Variants in RANBP2 observed in about 807,000 individuals in gnomAD.
RANBP2 encodes RAN binding protein 2.
In RANBP2, 57 loss-of-function variants were observed where a neutral mutation model predicts 303.6. The ratio of observed to expected loss-of-function variants is 0.19; its 90% confidence interval spans 0.15 to 0.23. The LOEUF is 0.23. Ranked by LOEUF, RANBP2 falls within the 10% of genes least tolerant of loss-of-function variation. The pLI is 1.00. For missense variants in RANBP2, 3,138 were observed against 3,780.8 expected, an observed-to-expected ratio of 0.83 and a Z score of 4.46; for synonymous variants, 1,167 against 1,301.5, an observed-to-expected ratio of 0.90 and a Z score of 2.23.
chr2:109,663,923 T>A, the RANBP2 span, among the ~76,000 whole-genome samples: 887 of 152,286 alleles, frequency 5.8e-3, 8 homozygotes, highest in African/African-American at 0.021. Flanking sequence ...CTCCCAAATG[T>A]CGCTGGACAG....
the RANBP2 span, among the ~76,000 whole-genome samples, chr2:108,904,253 C>A: frequency 6.6e-6 from 1 of 152,068 alleles, no homozygotes; most frequent in African/African-American, 2.4e-5. Flanking sequence ...ATTGAGACCA[C>A]AATAAGATAT....
At chr2:109,334,876 C>A in the RANBP2 span, among the ~76,000 whole-genome samples, 13 of 152,188 alleles carry the variant, frequency 8.5e-5, no homozygotes, top group Admixed American at 6.5e-4. Context: ...ATTTGTGGAA[C>A]CCAGTGTTTT....
At chr2:109,006,551 T>G in the RANBP2 span, among the ~76,000 whole-genome samples, 1 of 152,206 alleles carries the variant, frequency 6.6e-6, no homozygotes, top group African/African-American at 2.4e-5. Flanking sequence ...ACGTGTATTT[T>G]CAGGTTAAAA....
chr2:109,359,569 A>G, the RANBP2 span, among the ~76,000 whole-genome samples: 2 of 152,218 alleles, frequency 1.3e-5, no homozygotes, highest in Middle Eastern at 3.2e-3. Context: ...TGTAAATTGT[A>G]TCATGTTTTA....
the RANBP2 span, among the ~76,000 whole-genome samples, chr2:108,824,481 T>A: frequency 6.6e-6 from 1 of 152,196 alleles, no homozygotes; most frequent in African/African-American, 2.4e-5. Flanking sequence ...TACATTTTGT[T>A]CCACTGGAAG....
At chr2:108,776,346 T>C (rs1677891003) in intron 24 of RANBP2, among the ~76,000 whole-genome samples, 1 of 152,234 alleles carries the variant, frequency 6.6e-6, no homozygotes, top group African/African-American at 2.4e-5. Flanking sequence ...TTTATGGTAC[T>C]ACTTAAATGT....
At chr2:109,193,735 A>G in the RANBP2 span, among the ~76,000 whole-genome samples, 1 of 152,284 alleles carries the variant, frequency 6.6e-6, no homozygotes, top group South Asian at 2.1e-4. Context: ...ACCCCAAATC[A>G]TTATTTTTCT....
chr2:109,313,373 G>A, the RANBP2 span, among the ~76,000 whole-genome samples: 6 of 152,194 alleles, frequency 3.9e-5, no homozygotes, highest in African/African-American at 9.6e-5. Context: ...TGCACAGCCC[G>A]GGATGAGACT....
chr2:109,005,033 T>C, the RANBP2 span, among the ~76,000 whole-genome samples: 1 of 152,192 alleles, frequency 6.6e-6, no homozygotes, highest in African/African-American at 2.4e-5. Context: ...TTTCATATAA[T>C]CTCTCACACC....
chr2:109,297,409 C>T, the RANBP2 span, among the ~76,000 whole-genome samples: 5 of 152,078 alleles, frequency 3.3e-5, no homozygotes, highest in South Asian at 2.1e-4. Flanking sequence ...CCCACATAGC[C>T]GCCTGCAAGA....
At chr2:108,826,962 GAA>G in the RANBP2 span, among the ~76,000 whole-genome samples, 4 of 152,116 alleles carry the variant, frequency 2.6e-5, no homozygotes, top group East Asian at 7.7e-4. Flanking sequence ...TACTTATTTT[GAA>G]AAGTTAGTTT....
the RANBP2 span, among the ~76,000 whole-genome samples, chr2:109,477,217 G>C: frequency 6.6e-6 from 1 of 152,174 alleles, no homozygotes; most frequent in Admixed American, 6.5e-5. Context: ...CACTGCCCCG[G>C]GTTGCACACC....
At chr2:108,920,379 G>C in the RANBP2 span, among the ~76,000 whole-genome samples, 61,472 of 152,066 alleles carry the variant, frequency 0.4, 13,817 homozygotes, top group Middle Eastern at 0.53. Context: ...CAGGGCAACG[G>C]GTTGACCTCC....
chr2:109,613,943 G>A, the RANBP2 span: 1 of 1,216,752 alleles, frequency 8.2e-7, no homozygotes, highest in South Asian at 4.1e-5. Flanking sequence ...CGCGAGGCTA[G>A]GCTGCCTCCG....
chr2:109,446,085 G>C, the RANBP2 span, among the ~76,000 whole-genome samples: 1 of 152,124 alleles, frequency 6.6e-6, no homozygotes, highest in Non-Finnish European at 1.5e-5. Flanking sequence ...CATCACTAAC[G>C]AGTAGTCCCA....
At chr2:108,980,726 G>A in the RANBP2 span, among the ~76,000 whole-genome samples, 145 of 152,126 alleles carry the variant, frequency 9.5e-4, no homozygotes, top group Non-Finnish European at 1.7e-3. Context: ...TTGGGCCAGC[G>A]CGTTTTGGGC....
At chr2:109,152,824 G>T in the RANBP2 span, among the ~76,000 whole-genome samples, 1 of 152,148 alleles carries the variant, frequency 6.6e-6, no homozygotes, top group South Asian at 2.1e-4. Flanking sequence ...TCTCACATGG[G>T]CCCTCTCACA....
At chr2:108,871,769 C>A in the RANBP2 span, among the ~76,000 whole-genome samples, 28 of 152,134 alleles carry the variant, frequency 1.8e-4, no homozygotes, top group African/African-American at 6.8e-4. Flanking sequence ...TTGCACTTTT[C>A]ATCTTCCCCG....
At chr2:108,741,569 G>C (rs544905377) in intron 7 of RANBP2, among the ~76,000 whole-genome samples, 1 of 124,960 alleles carries the variant, frequency 8.0e-6, no homozygotes, top group African/African-American at 3.1e-5. Flanking sequence ...GCAGTGGCAC[G>C]ATCTCGGCTC....
Sources: gnomAD v4.1 joint callset for allele counts (sites outside exome capture counted in the v4.1 genomes callset) on GRCh38, gnomAD v4.1.1 for gene constraint, MANE v1.5 for transcripts, NCBI Gene and HGNC (gene_info 2026-07-23, HGNC 2026-07-21) for gene names.